Variants in KDM2B observed in about 807,000 individuals in gnomAD.
The protein encoded by KDM2B is lysine-specific demethylase 2B.
A neutral mutation model predicts 150.0 loss-of-function variants in KDM2B; 26 were observed. The observed-to-expected ratio is 0.17, with a 90% CI of 0.13 to 0.24. KDM2B has a LOEUF of 0.24. Ranked by LOEUF, KDM2B falls within the 10% of genes least tolerant of loss-of-function variation. The probability of loss-of-function intolerance (pLI) is 1.00; values close to 1 mark genes in which losing one functional copy is unlikely to be tolerated. For missense variants in KDM2B, 1,265 were observed against 1,816.9 expected (o/e 0.70, Z 5.52); for synonymous variants, 734 against 729.5 (o/e 1.01, Z -0.10).
intron 6 of KDM2B, chr12:121,536,004 T>C (rs1160621887): frequency 4.1e-6 from 4 of 974,190 alleles, no homozygotes; most frequent in Admixed American, 6.2e-5. Context: ...CCGCAACACA[T>C]GCTTACCCCA....
Position 121,537,352 on chromosome 12 carries a change from C to G in KDM2B, c.684-2762G>C, listed in dbSNP as rs2141668444. Reference sequence around the variant, plus strand: ...CCCAAGCACACCGCAGTCACATGGGCACCCCGGCTCGGTGCCACGGCCGCT... The same window carrying G: ...CCCAAGCACACCGCAGTCACATGGGGACCCCGGCTCGGTGCCACGGCCGCT... On this transcript the variant is annotated intron_variant, in intron 6 of 22. Transcript: ENST00000377071. This position sits in a 1 kb window ranked among gnomAD's most constrained non-coding sequence, Gnocchi z 8.7. The G allele has an allele frequency of 6.5e-6, 1 of 152,784 alleles. No individual in the cohort carries two copies. The highest frequency in any genetic ancestry group is 2.4e-5 in the African/African-American group (1 of 41,606). The allele number at this position is 152,784 out of a possible 1,614,324, so 9.5% of individuals were successfully genotyped here.
At chr12:121,523,040 T>C (rs537894751) in intron 8 of KDM2B, among the ~76,000 whole-genome samples, 1 of 152,358 alleles carries the variant, frequency 6.6e-6, no homozygotes, top group East Asian at 1.9e-4. Flanking sequence ...GTGTGGCTCC[T>C]GGCTGCCGGG....
At chr12:121,478,919 T>A (rs1009226646) in intron 12 of KDM2B, among the ~76,000 whole-genome samples, 18 of 126,450 alleles carry the variant, frequency 1.4e-4, no homozygotes, top group African/African-American at 4.9e-4. Flanking sequence ...AGTTTCGTCA[T>A]GTTGCCTAGG....
intron 7 of KDM2B, among the ~76,000 whole-genome samples, chr12:121,534,142 G>A (rs1887891748): frequency 1.3e-5 from 2 of 152,190 alleles, no homozygotes; most frequent in South Asian, 4.1e-4. Flanking sequence ...GAGGTCAGGA[G>A]ATCGAGACCA....
chr12:121,492,281 A>G (rs1301635253), intron 12 of KDM2B, among the ~76,000 whole-genome samples: 1 of 152,196 alleles, frequency 6.6e-6, no homozygotes, highest in African/African-American at 2.4e-5. Context: ...TTGTTTCAAC[A>G]ATATATCAAA....
At chr12:121,524,396 T>A (rs1886951155) in intron 8 of KDM2B, among the ~76,000 whole-genome samples, 1 of 152,152 alleles carries the variant, frequency 6.6e-6, no homozygotes, top group Non-Finnish European at 1.5e-5. Flanking sequence ...CTGACTTACA[T>A]CTGTTGCCCT....
intron 22 of KDM2B, among the ~76,000 whole-genome samples, chr12:121,436,166 G>T (rs1168960320): frequency 2.0e-5 from 3 of 152,164 alleles, no homozygotes; most frequent in African/African-American, 7.2e-5. Flanking sequence ...GACTACTTTT[G>T]ACTTATAAAA....
At chr12:121,545,827 C>T (rs1288125561) in intron 6 of KDM2B, among the ~76,000 whole-genome samples, 2 of 152,080 alleles carry the variant, frequency 1.3e-5, no homozygotes, top group South Asian at 2.1e-4. Flanking sequence ...TGGCCCACCC[C>T]ACACCCACCC....
chr12:121,558,299 T>C (rs1890046436), intron 4 of KDM2B, among the ~76,000 whole-genome samples: 2 of 151,804 alleles, frequency 1.3e-5, no homozygotes. Context: ...AGACCTGACC[T>C]GGGGGTGGTT....
chr12:121,548,990 G>A lies in KDM2B; in HGVS notation c.577-7C>T. 1 of 1,609,692 alleles carries A rather than the reference G, an allele frequency of 6.2e-7. No individual in the cohort carries two copies. Among genetic ancestry groups the A allele is most frequent in the Non-Finnish European group, 8.5e-7 (1 of 1,175,910 alleles). ...CCCAGTCCACCAGGTCTACCTGAAA[G>A]CCAGACCAGTGTGAGCACTGCATTT... On this transcript the variant is annotated splice_region_variant and splice_polypyrimidine_tract_variant and intron_variant, in intron 5 of 22. Coordinates refer to ENST00000377071, the MANE Select transcript of KDM2B (RefSeq NM_032590.5).
intron 13 of KDM2B, among the ~76,000 whole-genome samples, chr12:121,448,836 T>C (rs1555290939): frequency 6.6e-6 from 1 of 152,154 alleles, no homozygotes; most frequent in Non-Finnish European, 1.5e-5. Context: ...CATGAGCTAT[T>C]TGGGAAGACA....
chr12:121,523,400 G>C (rs953093604), intron 8 of KDM2B, among the ~76,000 whole-genome samples: 9 of 152,256 alleles, frequency 5.9e-5, no homozygotes, highest in Non-Finnish European at 1.0e-4. Context: ...GGTGCCCCAA[G>C]ACCCTGCACC....
chr12:121,424,895 G>A (rs182595396), downstream of KDM2B, among the ~76,000 whole-genome samples: 18 of 152,208 alleles, frequency 1.2e-4, no homozygotes, highest in Admixed American at 4.6e-4. Context: ...ACATTGCTTT[G>A]CTTCTCTAAC....
chr12:121,479,922 C>G (rs1555297550), intron 12 of KDM2B, among the ~76,000 whole-genome samples: 1 of 151,982 alleles, frequency 6.6e-6, no homozygotes, highest in Non-Finnish European at 1.5e-5. Flanking sequence ...ATGCCCAGCT[C>G]TCTCGCTTTT....
chr12:121,571,603 A>G (rs1183313029), intron 4 of KDM2B, among the ~76,000 whole-genome samples: 1 of 151,088 alleles, frequency 6.6e-6, no homozygotes, highest in South Asian at 2.1e-4. Context: ...CAACTTCTAC[A>G]TTTTAAAATG....
At chr12:121,505,285 CAAAA>C (rs34080184) in intron 11 of KDM2B, among the ~76,000 whole-genome samples, 1 of 84,402 alleles carries the variant, frequency 1.2e-5, no homozygotes, top group Non-Finnish European at 2.9e-5. Flanking sequence ...GATTGCATCT[CAAAA>C]AAAAAAAAAA....
intron 11 of KDM2B, among the ~76,000 whole-genome samples, chr12:121,500,741 C>T (rs1555301813): frequency 1.3e-5 from 2 of 152,210 alleles, no homozygotes; most frequent in East Asian, 3.9e-4. Context: ...CTCAAGTACC[C>T]TCCCTCCATC....
intron 22 of KDM2B, among the ~76,000 whole-genome samples, chr12:121,437,973 G>T (rs191798244): frequency 2.6e-5 from 4 of 152,112 alleles, no homozygotes; most frequent in Admixed American, 2.6e-4. Flanking sequence ...AAGAATGCAG[G>T]CCAGGCGTGG....
chr12:121,560,262 C>T (rs1321714699), intron 4 of KDM2B, among the ~76,000 whole-genome samples: 1 of 152,146 alleles, frequency 6.6e-6, no homozygotes, highest in Non-Finnish European at 1.5e-5. Flanking sequence ...GCCTCAGCCT[C>T]CCAAAGCACT....
Sources: gnomAD v4.1 joint callset for allele counts (sites outside exome capture counted in the v4.1 genomes callset) on GRCh38, gnomAD v4.1.1 for gene constraint, Gnocchi (gnomAD v3.1) non-coding constraint, MANE v1.5 for transcripts, NCBI Gene and HGNC (gene_info 2026-07-23, HGNC 2026-07-21) for gene names.